Variants in CFAP46 observed in about 807,000 individuals in gnomAD.
CFAP46 encodes the protein cilia and flagella associated protein 46, also known as cilia- and flagella-associated protein 46.
CFAP46 carries 245 observed loss-of-function variants against 325.7 expected under a neutral mutation model. The observed-to-expected ratio is 0.75, with a 90% confidence interval of 0.68 to 0.84. CFAP46 has a LOEUF of 0.84. Ranked by LOEUF, CFAP46 falls within the 40% of genes least tolerant of loss-of-function variation. The pLI is 0.00. For synonymous variants in CFAP46, 1,523 were observed against 1,495.9 expected (o/e 1.02, Z -0.42); for missense variants, 3,346 against 3,543.0 (o/e 0.94, Z 1.41).
At chr10:132,815,622 G>A (rs188477697) in intron 50 of CFAP46, among the ~76,000 whole-genome samples, 9 of 152,160 alleles carry the variant, frequency 5.9e-5, no homozygotes, top group East Asian at 3.8e-4. Flanking sequence ...ACATCTGTAC[G>A]TTTTAAGGTT....
At chr10:132,810,577 C>T in intron 56 of CFAP46, 88 bp from the exon 57 acceptor site, 1 of 1,183,030 alleles carries the variant, frequency 8.5e-7, no homozygotes, top group Non-Finnish European at 1.3e-6. Context: ...TGCCAGGGGC[C>T]CACGCACTTT....
chr10:132,833,246 G>T, intron 50 of CFAP46, 112 bp downstream of exon 50: 2 of 1,080,998 alleles, frequency 1.9e-6, no homozygotes, highest in Non-Finnish European at 2.7e-6. Flanking sequence ...GAAAAATGTT[G>T]CAACATTTGA....
At position 132,895,966 on chromosome 10, in the gene CFAP46, T is replaced by C. The variant is rs4424597; in HGVS notation, c.3219+2993A>G. Among the ~76,000 whole-genome samples, 73 of 48,110 alleles carry C rather than the reference T, an allele frequency of 1.5e-3. 5 individuals are homozygous for C. In the African/African-American group the frequency reaches 0.016, roughly 11 times the overall value. The allele number at this position is 48,110 out of a possible 152,430, so 31.6% of individuals were successfully genotyped here. A position where few individuals can be genotyped will look rare whatever the true frequency, so the allele number is the denominator to read the frequency against. The stretch of plus-strand genomic sequence containing the variant: ...CCATGAGACACGGCGAGAAGGCAGC[T>C]AGGCTCTGTGTGCCATGAGACACGG... On this transcript the variant is annotated intron_variant, in intron 24 of 57. Coordinates refer to ENST00000368586, the MANE Select transcript of CFAP46 (RefSeq NM_001200049.3).
chr10:132,916,532 C>A lies in CFAP46; in HGVS notation c.2120+17G>T. 2.6e-6 allele frequency: 4 copies of A among 1,545,238 alleles called. No individual in the cohort carries two copies. The highest frequency in any genetic ancestry group is 3.5e-6 in the Non-Finnish European group (4 of 1,144,348). ...CGGCCCCGGGCGGTGCTCAAGGCCA[C>A]TGTCGCCTCTGCCCACCTGTATGTG... On this transcript the variant is annotated intron_variant, in intron 17 of 57. Coordinates refer to ENST00000368586, the MANE Select transcript of CFAP46 (RefSeq NM_001200049.3).
rs755918241 is a variant in CFAP46 at position 132,846,051 on chromosome 10, G to C, written c.6438+6C>G. 24 of 1,600,206 alleles carry C rather than the reference G, an allele frequency of 1.5e-5. No individual in the cohort carries two copies. In the Middle Eastern group the frequency reaches 6.7e-4, roughly 45 times the overall value. On this transcript the variant is annotated splice_donor_region_variant and intron_variant, in intron 44 of 57. Coordinates refer to ENST00000368586, the MANE Select transcript of CFAP46 (RefSeq NM_001200049.3). ...GGCAGGTTCAGCGGCATCCGTGCCC[G>C]CTTACCTTGGACACGGCGGCCAGCC...
intron 55 of CFAP46, 24 bp from the exon 56 acceptor site, chr10:132,811,055 CA>C: frequency 1.3e-6 from 2 of 1,559,772 alleles, no homozygotes. Flanking sequence ...AAGGGCAGCT[CA>C]GCAGCCTTGG....
At chr10:132,871,562 C>T (rs1045651520) in intron 32 of CFAP46, among the ~76,000 whole-genome samples, 1 of 152,146 alleles carries the variant, frequency 6.6e-6, no homozygotes, top group Non-Finnish European at 1.5e-5. Flanking sequence ...TCATGGATGA[C>T]TTTGAAGGAT....
rs562077610 is a variant in CFAP46, at chr10:132,846,066, G to A, written c.6429C>T (p.Ala2143=). The A allele has an allele frequency of 2.1e-5, 33 of 1,575,280 alleles. No homozygotes were observed. The highest frequency in any genetic ancestry group is 1.9e-4 in the South Asian group (16 of 85,676). The change falls in exon 44 of 58, where the codon GCC becomes GCT. Residue 2143 remains alanine, a synonymous_variant. Transcript: ENST00000368586. ...ATCCGTGCCCGCTTACCTTGGACAC[G>A]GCGGCCAGCCTCTGCTCCACACGGG... ...LGARVEQRLA[A]VSKAWQNLCV... is the part of the protein sequence containing the mutation.
chr10:132,921,604 G>C (rs1053145566), intron 13 of CFAP46, among the ~76,000 whole-genome samples: 11 of 152,216 alleles, frequency 7.2e-5, no homozygotes, highest in Admixed American at 1.3e-4. Context: ...TCGCCCCCAG[G>C]ACTTCAGGGT....
intron 50 of CFAP46, among the ~76,000 whole-genome samples, chr10:132,820,567 CTG>C (rs1464038307): frequency 1.6e-5 from 2 of 124,874 alleles, no homozygotes; most frequent in Non-Finnish European, 3.3e-5. Flanking sequence ...CTGATGTGTG[CTG>C]TGTGTGCGCT....
chr10:132,877,861 C>G lies in CFAP46; in HGVS notation c.4212+20G>C. The G allele has an allele frequency of 6.5e-7, 1 of 1,548,258 alleles. No individual in the cohort carries two copies. The highest frequency in any genetic ancestry group is 8.7e-7 in the Non-Finnish European group (1 of 1,146,596). ...GCCATCCTGGGCCCGGCCTCTGCAC[C>G]GTGGCCACTTGGGCATCACCTGCTT... is the stretch of plus-strand genomic sequence containing the variant. On this transcript the variant is annotated intron_variant, in intron 30 of 57. Coordinates refer to ENST00000368586, the MANE Select transcript of CFAP46 (RefSeq NM_001200049.3). This position sits in a 1 kb window ranked among gnomAD's most constrained non-coding sequence, Gnocchi z 5.7.
At chr10:132,867,658 C>T (rs561276937) in intron 33 of CFAP46, among the ~76,000 whole-genome samples, 151 bp from the exon 34 acceptor site, 44 of 152,328 alleles carry the variant, frequency 2.9e-4, no homozygotes, top group Non-Finnish European at 5.4e-4. Flanking sequence ...CAGGATCTAA[C>T]GGCACATCCG....
rs1210232604 is a variant in CFAP46, at chr10:132,857,619, TG to T, written c.5544del (p.His1848GlnfsTer19). Reference protein sequence around the residue: ...GAMAEEEGRLHSVQGLLSLQD... With the variant: ...GAMAEEEGRLXSVQGLLSLQD... ...TGAAGTGACAATAGGCCCTGGACGC[TG>T]TGAAGCCTCCCTTCTTCCTCAGCCA... On this transcript the variant is annotated frameshift_variant, in exon 39 of 58. Transcript: ENST00000368586. LOFTEE classifies it high-confidence loss of function. The T allele has an allele frequency of 6.2e-7, 1 of 1,612,880 alleles. No individual in the cohort carries two copies. Among genetic ancestry groups the T allele is most frequent in the Non-Finnish European group, 8.5e-7 (1 of 1,179,480 alleles).
At chr10:132,834,525 G>C (rs1848205045) in intron 48 of CFAP46, 129 bp downstream of exon 48, 3 of 1,312,844 alleles carry the variant, frequency 2.3e-6, no homozygotes. Context: ...GGAGCAGGCA[G>C]GCGGCGCCGA....
chr10:132,890,155 C>T (rs1055651338), intron 25 of CFAP46, among the ~76,000 whole-genome samples: 3 of 152,174 alleles, frequency 2.0e-5, no homozygotes, highest in African/African-American at 7.2e-5. Flanking sequence ...ACAAAACCCC[C>T]CTCCACAGCC....
In CFAP46 at chr10:132,926,606, C is replaced by G. The variant is rs1849815575; in HGVS notation, c.1027G>C (p.Glu343Gln). Reference protein sequence around the residue: ...LECESEALRLESKMKVYNRAA... With the variant: ...LECESEALRLQSKMKVYNRAA... Reference sequence around the variant, plus strand: ...CGGTTGTACACTTTCATCTTACTTTCAAGTCTTAAAGCTTCCGATTCACAC... The same window carrying G: ...CGGTTGTACACTTTCATCTTACTTTGAAGTCTTAAAGCTTCCGATTCACAC... Residue 343 changes from glutamate (E) to glutamine (Q), a missense_variant, in exon 10 of 58, where the codon GAA becomes CAA. Transcript: ENST00000368586. 1 of 1,536,260 alleles carries G rather than the reference C, an allele frequency of 6.5e-7. No individual in the cohort carries two copies. The highest frequency in any genetic ancestry group is 8.7e-7 in the Non-Finnish European group (1 of 1,146,946).
intron 45 of CFAP46, 135 bp from the exon 46 acceptor site, chr10:132,836,353 G>T: frequency 1.3e-6 from 1 of 762,134 alleles, no homozygotes; most frequent in Non-Finnish European, 2.2e-6. Context: ...GGCCCTCCCC[G>T]TGTGCGCCTC....
intron 50 of CFAP46, among the ~76,000 whole-genome samples, chr10:132,823,121 G>A (rs1161947945): frequency 1.4e-5 from 2 of 142,056 alleles, no homozygotes; most frequent in Non-Finnish European, 3.0e-5. Flanking sequence ...TGCTGTGTGT[G>A]TGCTGATGTG....
intron 9 of CFAP46, 78 bp downstream of exon 9, chr10:132,929,627 T>C (rs774933699): frequency 4.3e-6 from 6 of 1,387,518 alleles, no homozygotes; most frequent in Non-Finnish European, 6.2e-6. Context: ...TGAACTGCTC[T>C]TCCTTTCTTT....
Sources: allele counts gnomAD v4.1 joint callset (sites outside exome capture counted in the v4.1 genomes callset), GRCh38; gene constraint gnomAD v4.1.1; non-coding constraint Gnocchi (gnomAD v3.1); transcripts MANE v1.5; gene names NCBI Gene and HGNC (gene_info 2026-07-23, HGNC 2026-07-21).